Variants in FAAH2 observed in about 807,000 individuals in gnomAD.
FAAH2 encodes the protein fatty-acid amide hydrolase 2.
FAAH2 carries 60 observed loss-of-function variants against 36.9 expected under a neutral mutation model. The ratio of observed to expected loss-of-function variants is 1.63; its 90% CI spans 1.32 to 2.02. The LOEUF (loss-of-function observed/expected upper bound fraction) is 2.02, where lower values mean the gene tolerates loss of function less well. FAAH2 is among the 30% of genes most tolerant of loss of function. The pLI, the probability that FAAH2 is intolerant of heterozygous loss-of-function variation, is 0.00. For missense variants in FAAH2, 689 were observed against 397.5 expected, an observed-to-expected ratio of 1.73 and a Z score of -6.23; for synonymous variants, 214 against 143.8, an observed-to-expected ratio of 1.49 and a Z score of -3.49.
chrX:57,194,355 T>C, the FAAH2 span, among the ~76,000 whole-genome samples: 1 of 111,418 alleles, frequency 9.0e-6, no homozygotes. Flanking sequence ...ATTTCTGCAG[T>C]TGTAATGCCT....
At chrX:57,405,800 T>A (rs2055554632) in intron 7 of FAAH2, among the ~76,000 whole-genome samples, 1 of 102,568 alleles carries the variant, frequency 9.7e-6, no homozygotes, top group Admixed American at 1.1e-4. Flanking sequence ...TAGTGACTTT[T>A]TAATATTCAG....
chrX:57,326,517 G>C (rs1277260078), intron 3 of FAAH2, among the ~76,000 whole-genome samples: 1 of 108,726 alleles, frequency 9.2e-6, no homozygotes, highest in African/African-American at 3.5e-5. Flanking sequence ...ATGAATCTGG[G>C]TGCTCCTGTA....
intron 5 of FAAH2, among the ~76,000 whole-genome samples, chrX:57,372,816 A>G (rs949676977): frequency 9.1e-6 from 1 of 109,908 alleles, no homozygotes; most frequent in Non-Finnish European, 1.9e-5. Flanking sequence ...ATTTTGGTGC[A>G]CCCATCACCC....
intron 10 of FAAH2, among the ~76,000 whole-genome samples, chrX:57,486,046 G>C (rs1469604645): frequency 9.0e-6 from 1 of 111,710 alleles, no homozygotes; most frequent in African/African-American, 3.3e-5. Context: ...GAGACAACTA[G>C]CTGGGTTTTA....
chrX:57,242,425 A>C, the FAAH2 span, among the ~76,000 whole-genome samples: 1 of 112,351 alleles, frequency 8.9e-6, no homozygotes, highest in Admixed American at 9.4e-5. Flanking sequence ...TCAAAGAAAA[A>C]GAAGGAACCC....
At chrX:57,408,449 C>T (rs987627785) in intron 7 of FAAH2, among the ~76,000 whole-genome samples, 2 of 111,070 alleles carry the variant, frequency 1.8e-5, no homozygotes, top group Non-Finnish European at 3.8e-5. Flanking sequence ...TTATTTCTAA[C>T]ATTTTATGTG....
chrX:57,160,124 A>G, the FAAH2 span, among the ~76,000 whole-genome samples: 1 of 111,550 alleles, frequency 9.0e-6, no homozygotes, highest in African/African-American at 3.3e-5. Context: ...GGTGCTGTTT[A>G]TATGCTGGAT....
At chrX:57,201,461 A>G in the FAAH2 span, among the ~76,000 whole-genome samples, 2 of 110,121 alleles carry the variant, frequency 1.8e-5, no homozygotes, top group South Asian at 3.8e-4. Context: ...GTCTGCTGCT[A>G]CACACATTAT....
At chrX:57,229,795 A>C in the FAAH2 span, among the ~76,000 whole-genome samples, 1 of 111,860 alleles carries the variant, frequency 8.9e-6, no homozygotes, top group Non-Finnish European at 1.9e-5. Flanking sequence ...CTATCATCTA[A>C]TGAGTACCAG....
At chrX:57,445,452 A>G (rs2056654889) in intron 8 of FAAH2, among the ~76,000 whole-genome samples, 1 of 111,521 alleles carries the variant, frequency 9.0e-6, no homozygotes, top group Non-Finnish European at 1.9e-5. Flanking sequence ...ACATTAAGCT[A>G]GCACAGTACG....
the FAAH2 span, among the ~76,000 whole-genome samples, chrX:57,177,769 A>G: frequency 1.8e-5 from 2 of 108,160 alleles, no homozygotes; most frequent in African/African-American, 3.4e-5. Flanking sequence ...AGGACCCTTC[A>G]TGAGTGCCTG....
At chrX:57,371,834 G>A (rs961339865) in intron 5 of FAAH2, among the ~76,000 whole-genome samples, 1 of 111,481 alleles carries the variant, frequency 9.0e-6, no homozygotes, top group African/African-American at 3.3e-5. Context: ...AGTGTCTACT[G>A]TTCCTATCAT....
chrX:57,163,456 C>A, the FAAH2 span, among the ~76,000 whole-genome samples: 1 of 111,980 alleles, frequency 8.9e-6, no homozygotes, highest in Non-Finnish European at 1.9e-5. Context: ...GCCCCTCCCC[C>A]AGCCTCGCTG....
intron 3 of FAAH2, among the ~76,000 whole-genome samples, chrX:57,325,061 T>G (rs2053169299): frequency 8.9e-6 from 1 of 112,208 alleles, no homozygotes; most frequent in Non-Finnish European, 1.9e-5. Flanking sequence ...GTTGTTGAAT[T>G]TTGTCAAAGG....
chrX:57,142,901 T>TTGTCTGATA, the FAAH2 span, among the ~76,000 whole-genome samples: 1 of 111,923 alleles, frequency 8.9e-6, no homozygotes, highest in Middle Eastern at 4.2e-3. Flanking sequence ...GACATCTACT[T>TTGTCTGATA]TGTCTGATAT....
the FAAH2 span, among the ~76,000 whole-genome samples, chrX:57,234,189 A>T: frequency 8.9e-6 from 1 of 111,797 alleles, no homozygotes; most frequent in Non-Finnish European, 1.9e-5. Context: ...TTGGCAACAC[A>T]CCTCCAGAGT....
the FAAH2 span, among the ~76,000 whole-genome samples, chrX:57,202,768 G>C: frequency 8.9e-6 from 1 of 111,876 alleles, no homozygotes; most frequent in Non-Finnish European, 1.9e-5. Context: ...GATGTCATCT[G>C]GGACCCAGAG....
At position 57,440,165 on chromosome X, in the gene FAAH2, G is replaced by A. The variant is rs190128523; in HGVS notation, c.1117-6763G>A. Reference sequence around the variant, plus strand: ...AGTCATTGGTAGCTTAATGGGGATGGCATTGAATCTATAAATTACCTTGGG... The same window carrying A: ...AGTCATTGGTAGCTTAATGGGGATGACATTGAATCTATAAATTACCTTGGG... On this transcript the variant is annotated intron_variant, in intron 8 of 10. Transcript: ENST00000374900. Among the ~76,000 whole-genome samples the A allele has an allele frequency of 1.3e-4, 14 of 111,348 alleles. No individual in the cohort carries two copies. The East Asian group carries it at 2.5e-3, about 20-fold the overall frequency.
At chrX:57,412,691 T>C (rs926787680) in intron 7 of FAAH2, among the ~76,000 whole-genome samples, 1 of 112,069 alleles carries the variant, frequency 8.9e-6, no homozygotes. Context: ...CATATGTGTG[T>C]GTGTGTCTTT....
Sources: allele counts gnomAD v4.1 joint callset (sites outside exome capture counted in the v4.1 genomes callset), GRCh38; gene constraint gnomAD v4.1.1; transcripts MANE v1.5; gene names NCBI Gene and HGNC (gene_info 2026-07-23, HGNC 2026-07-21).